The following KIAA1549 variants were observed in gnomAD, a reference collection of about 807,000 sequenced individuals.
KIAA1549 encodes UPF0606 protein KIAA1549.
In KIAA1549, 70 loss-of-function variants were observed where a neutral mutation model predicts 156.4. That is an observed-to-expected ratio of 0.45 (90% CI 0.37 to 0.55). The LOEUF is 0.55. Among genes scored for constraint, KIAA1549 ranks in the 20% least tolerant of loss-of-function variants. KIAA1549 has a pLI of 0.00. For missense variants in KIAA1549, 2,428 were observed against 2,540.9 expected, an observed-to-expected ratio of 0.96 and a Z score of 0.96; for synonymous variants, 1,103 against 1,066.4, an observed-to-expected ratio of 1.03 and a Z score of -0.67.
At position 138,971,970 on chromosome 7, in the gene KIAA1549, CCTG is replaced by C. The variant is rs1359274386; in HGVS notation, c.187+9110_187+9112del. Among the ~76,000 whole-genome samples the C allele has an allele frequency of 5.3e-5, 8 of 152,270 alleles. No individual in the cohort carries two copies. In the East Asian group the frequency reaches 1.5e-3, roughly 29 times the overall value. On this transcript the variant is annotated intron_variant, in intron 1 of 19. Coordinates refer to ENST00000422774, the MANE Select transcript of KIAA1549 (RefSeq NM_001164665.2). ...CGTGACCTGTTCCTAGCAGGCCCTT[CCTG>C]CTGAAGGTGGAGGATGAACTGGAGG... is the stretch of plus-strand genomic sequence containing the variant.
intron 1 of KIAA1549, among the ~76,000 whole-genome samples, chr7:138,950,437 G>A (rs1489131320): frequency 6.6e-6 from 1 of 152,192 alleles, no homozygotes; most frequent in East Asian, 1.9e-4. Flanking sequence ...AGGAGAAGGA[G>A]TTGAGAGCCT....
intron 17 of KIAA1549, among the ~76,000 whole-genome samples, chr7:138,845,155 G>GT (rs1291015066): frequency 1.3e-5 from 2 of 152,052 alleles, no homozygotes; most frequent in Non-Finnish European, 2.9e-5. Context: ...TGGAAAAAAA[G>GT]TAAGTATTTA....
chr7:138,939,920 G>A (rs1177985866), intron 1 of KIAA1549, among the ~76,000 whole-genome samples: 3 of 152,250 alleles, frequency 2.0e-5, no homozygotes, highest in East Asian at 1.9e-4. Context: ...GCCCAAGCAG[G>A]AGGACTGCTT....
At chr7:138,866,064 C>T (rs900028055) in intron 15 of KIAA1549, among the ~76,000 whole-genome samples, 8 of 152,186 alleles carry the variant, frequency 5.3e-5, no homozygotes, top group African/African-American at 1.9e-4. Context: ...CAGAACCCAA[C>T]ACAGCACAAG....
intron 1 of KIAA1549, among the ~76,000 whole-genome samples, chr7:138,941,391 C>T (rs1254172086): frequency 2.6e-5 from 4 of 152,090 alleles, no homozygotes; most frequent in South Asian, 2.1e-4. Context: ...GAAATAGAAA[C>T]GTCAGAATAT....
chr7:138,869,937 C>A lies in KIAA1549; in HGVS notation c.4552-176G>T, dbSNP rs1275311844. 2.6e-5 allele frequency among the ~76,000 whole-genome samples: 4 copies of A among 152,206 alleles called. No individual in the cohort carries two copies. In the East Asian group the frequency reaches 7.7e-4, roughly 29 times the overall value. ...TGATCTCAGCTCGCTGCAACCTCCA[C>A]TTCCCGGGTTCAAGTGATTCTCCTG... On this transcript the variant is annotated intron_variant, in intron 13 of 19. Coordinates refer to ENST00000422774, the MANE Select transcript of KIAA1549 (RefSeq NM_001164665.2).
intron 1 of KIAA1549, among the ~76,000 whole-genome samples, chr7:138,950,681 A>G (rs1813469002): frequency 6.6e-6 from 1 of 152,180 alleles, no homozygotes; most frequent in Non-Finnish European, 1.5e-5. Context: ...GTTCCCAGGC[A>G]CCACTGACAG....
intron 1 of KIAA1549, among the ~76,000 whole-genome samples, chr7:138,963,880 A>G (rs1447323964): frequency 6.6e-6 from 1 of 152,254 alleles, no homozygotes; most frequent in Admixed American, 6.5e-5. Flanking sequence ...TATCAAAACC[A>G]CAAGGAAATG....
intron 15 of KIAA1549, 65 bp from the exon 16 acceptor site, chr7:138,861,521 C>T: frequency 7.6e-7 from 1 of 1,312,338 alleles, no homozygotes; most frequent in Non-Finnish European, 1.1e-6. Flanking sequence ...AAACAGTTTT[C>T]CTGACATTGA....
chr7:138,939,790 G>A (rs1346650230), intron 1 of KIAA1549, among the ~76,000 whole-genome samples: 6 of 152,112 alleles, frequency 3.9e-5, no homozygotes, highest in Non-Finnish European at 8.8e-5. Flanking sequence ...GGCAGTCACT[G>A]ATGATCACTG....
intron 9 of KIAA1549, among the ~76,000 whole-genome samples, chr7:138,895,000 C>A (rs1259073339): frequency 6.6e-6 from 1 of 152,186 alleles, no homozygotes; most frequent in Non-Finnish European, 1.5e-5. Flanking sequence ...ACATAAAGCA[C>A]ATGCATCTCA....
At chr7:138,861,484 T>C (rs1810576985) in intron 15 of KIAA1549, 28 bp from the exon 16 acceptor site, 1 of 1,571,454 alleles carries the variant, frequency 6.4e-7, no homozygotes, top group Non-Finnish European at 8.7e-7. Context: ...AAAGGAAGAA[T>C]CACACATGAG....
At chr7:138,902,787 C>T (rs1469650139) in intron 8 of KIAA1549, among the ~76,000 whole-genome samples, 1 of 151,184 alleles carries the variant, frequency 6.6e-6, no homozygotes, top group Non-Finnish European at 1.5e-5. Context: ...CCAGCCTGGG[C>T]GACAGAGCGA....
rs1370272885 is a variant in KIAA1549 at position 138,837,928 on chromosome 7, G to A, written c.5831C>T (p.Thr1944Ile). 4.3e-6 allele frequency: 7 copies of A among 1,613,808 alleles called. No individual in the cohort carries two copies. The highest frequency in any genetic ancestry group is 5.9e-6 in the Non-Finnish European group (7 of 1,179,892). Residue 1944 changes from threonine to isoleucine, a missense_variant, in exon 20 of 20, where the codon ACC becomes ATC. Thr to Ile is a moderately conservative substitution (Grantham distance 89). Around this residue, in one of 5 missense-constraint regions of KIAA1549, gnomAD observed 363 missense variants for 354.0 expected, o/e 1.03. Coordinates refer to ENST00000422774, the MANE Select transcript of KIAA1549 (RefSeq NM_001164665.2). ...ELLRLSQKQS[T>I]VQNFHS ...CGATCAGCTGTGGAAGTTCTGCACG[G>A]TGCTCTGTTTCTGGGAGAGCCGGAG... is the stretch of plus-strand genomic sequence containing the variant.
At chr7:138,909,266 T>C (rs1812101293) in intron 4 of KIAA1549, 145 bp from the exon 5 acceptor site, 1 of 824,020 alleles carries the variant, frequency 1.2e-6, no homozygotes, top group Non-Finnish European at 1.9e-6. Flanking sequence ...CATTTCTACG[T>C]ATTTTCTCAC....
Position 138,861,180 on chromosome 7 carries a change from A to C in KIAA1549, c.5206T>G (p.Ser1736Ala). 6.2e-7 allele frequency: 1 copy of C among 1,613,708 alleles called. No individual in the cohort carries two copies. The highest frequency in any genetic ancestry group is 8.5e-7 in the Non-Finnish European group (1 of 1,179,854). The change falls in exon 16 of 20, where the codon TCC becomes GCC. Residue 1736 changes from serine to alanine, a missense_variant. Around this residue, in one of 5 missense-constraint regions of KIAA1549, gnomAD observed 363 missense variants for 354.0 expected, o/e 1.03. Coordinates refer to ENST00000422774, the MANE Select transcript of KIAA1549 (RefSeq NM_001164665.2). ...GCCGTCTGGGCTGGGCTGTAGAAGG[A>C]CCCCCACTGGGTGGCTCGCCTCTCT... Reference protein sequence around the residue: ...QEERRATQWGSFYSPAQTANN... With the variant: ...QEERRATQWGAFYSPAQTANN...
chr7:138,967,877 C>T (rs1273080807), intron 1 of KIAA1549, among the ~76,000 whole-genome samples: 1 of 152,130 alleles, frequency 6.6e-6, no homozygotes. Context: ...CCTGTGCTGG[C>T]CTGCACAGAT....
chr7:138,949,915 T>C (rs1207263538), intron 1 of KIAA1549, among the ~76,000 whole-genome samples: 2 of 152,310 alleles, frequency 1.3e-5, no homozygotes, highest in African/African-American at 4.8e-5. Flanking sequence ...TTCAAGTCGG[T>C]GCCAAGCCCC....
In KIAA1549 at chr7:138,871,189, G is replaced by C. The variant is rs759848796; in HGVS notation, c.4519C>G (p.Arg1507Gly). Reference protein sequence around the residue: ...PPVQRPSPADRVAESNKINKE... With the variant: ...PPVQRPSPADGVAESNKINKE... ...TTGATTTTATTGCTTTCCGCCACTC[G>C]GTCGGCTGGGGAGGGGCGCTGGACG... is the stretch of plus-strand genomic sequence containing the variant. Residue 1507 changes from arginine (R) to glycine (G), a missense_variant, in exon 13 of 20, where the codon CGA becomes GGA. This residue lies in a region of KIAA1549 where 404 missense variants were observed against 417.0 expected (regional missense o/e 0.97). Transcript: ENST00000422774. The C allele has an allele frequency of 1.9e-6, 3 of 1,613,084 alleles. No individual in the cohort carries two copies. Among genetic ancestry groups the C allele is most frequent in the Non-Finnish European group, 2.5e-6 (3 of 1,179,864 alleles).
Sources: allele counts gnomAD v4.1 joint callset (sites outside exome capture counted in the v4.1 genomes callset), GRCh38; gene constraint gnomAD v4.1.1; regional missense constraint gnomAD v4.1.1; transcripts MANE v1.5; gene names NCBI Gene and HGNC (gene_info 2026-07-23, HGNC 2026-07-21).